MEGF10: variants seen among roughly 807,000 people sequenced by gnomAD.
MEGF10 encodes the protein multiple epidermal growth factor-like domains protein 10.
In MEGF10, 86 loss-of-function variants were observed where a neutral mutation model predicts 147.5. The ratio of observed to expected loss-of-function variants is 0.58; its 90% confidence interval spans 0.49 to 0.70. The LOEUF is 0.70. Among genes scored for constraint, MEGF10 ranks in the 30% least tolerant of loss-of-function variants. The pLI, the probability that MEGF10 is intolerant of heterozygous loss-of-function variation, is 0.00. For synonymous variants in MEGF10, 478 were observed against 525.5 expected (o/e 0.91, Z 1.24); for missense variants, 1,329 against 1,487.3 (o/e 0.89, Z 1.75).
At chr5:127,320,584 A>G (rs1422331284) in intron 1 of MEGF10, among the ~76,000 whole-genome samples, 1 of 152,204 alleles carries the variant, frequency 6.6e-6, no homozygotes, top group Non-Finnish European at 1.5e-5. Flanking sequence ...ATTTGCATAC[A>G]TATGCGATTG....
At chr5:127,408,237 T>G (rs1186400794) in intron 8 of MEGF10, among the ~76,000 whole-genome samples, 1 of 152,238 alleles carries the variant, frequency 6.6e-6, no homozygotes, top group Non-Finnish European at 1.5e-5. Context: ...AAGCTGTGCT[T>G]TTTACCAAGT....
intron 16 of MEGF10, 71 bp downstream of exon 16, chr5:127,435,560 T>G: frequency 7.1e-7 from 1 of 1,418,086 alleles, no homozygotes; most frequent in Non-Finnish European, 9.5e-7. Flanking sequence ...AGGATTGAAG[T>G]ATGAGTGTTT....
chr5:127,241,995 G>A, the MEGF10 span, among the ~76,000 whole-genome samples: 1 of 152,074 alleles, frequency 6.6e-6, no homozygotes, highest in Non-Finnish European at 1.5e-5. Context: ...TATGGGAGAT[G>A]CTTCCACTTA....
At chr5:127,407,658 T>G (rs1208627789) in intron 8 of MEGF10, among the ~76,000 whole-genome samples, 1 of 152,196 alleles carries the variant, frequency 6.6e-6, no homozygotes, top group Non-Finnish European at 1.5e-5. Context: ...ATTTCACTGA[T>G]TTTTGAGAGC....
chr5:127,328,414 C>T (rs1024295884), intron 1 of MEGF10, among the ~76,000 whole-genome samples: 4 of 152,054 alleles, frequency 2.6e-5, no homozygotes, highest in African/African-American at 9.7e-5. Context: ...TTTTTTCTTT[C>T]AAAAATGGTA....
At chr5:127,265,808 C>T in the MEGF10 span, among the ~76,000 whole-genome samples, 2 of 151,958 alleles carry the variant, frequency 1.3e-5, no homozygotes, top group Non-Finnish European at 2.9e-5. Context: ...TCTTTGTAGA[C>T]TCTGGATATT....
At chr5:127,269,048 TAAC>T in the MEGF10 span, among the ~76,000 whole-genome samples, 1 of 152,104 alleles carries the variant, frequency 6.6e-6, no homozygotes, top group African/African-American at 2.4e-5. Context: ...GAAGGAAAAC[TAAC>T]AAACAGAAAG....
intron 6 of MEGF10, 45 bp from the exon 7 acceptor site, chr5:127,398,624 GGTCATGT>G: frequency 6.2e-7 from 1 of 1,610,688 alleles, no homozygotes; most frequent in East Asian, 2.2e-5. Flanking sequence ...TGAACCCGAG[GGTCATGT>G]GTCTGGGAAA....
intron 4 of MEGF10, among the ~76,000 whole-genome samples, chr5:127,342,262 G>A (rs936089777): frequency 2.0e-5 from 3 of 152,110 alleles, no homozygotes; most frequent in African/African-American, 7.2e-5. Context: ...GGCCACTCAG[G>A]CTGGCCATTT....
chr5:127,324,605 C>T (rs1439496056), intron 1 of MEGF10, among the ~76,000 whole-genome samples: 2 of 152,146 alleles, frequency 1.3e-5, no homozygotes, highest in Non-Finnish European at 2.9e-5. Flanking sequence ...GCAGTAACCT[C>T]CACACTCTGT....
chr5:127,291,251 A>G (rs1335591777), intron 1 of MEGF10, among the ~76,000 whole-genome samples, 195 bp downstream of exon 1: 2 of 152,174 alleles, frequency 1.3e-5, no homozygotes, highest in Non-Finnish European at 2.9e-5. Context: ...GTTTTGTTAC[A>G]TGGGATTGTG....
At chr5:127,286,026 A>G (rs1759019373), upstream of MEGF10, among the ~76,000 whole-genome samples, 1 of 152,144 alleles carries the variant, frequency 6.6e-6, no homozygotes, top group Non-Finnish European at 1.5e-5. Context: ...ATGGAACTGG[A>G]GGACATTAAG....
intron 22 of MEGF10, among the ~76,000 whole-genome samples, chr5:127,453,302 C>A (rs1168267883): frequency 6.6e-6 from 1 of 152,204 alleles, no homozygotes. Flanking sequence ...AGCAATCCAC[C>A]CACCTTGGCC....
At chr5:127,275,668 T>G in the MEGF10 span, among the ~76,000 whole-genome samples, 1 of 152,196 alleles carries the variant, frequency 6.6e-6, no homozygotes, top group Admixed American at 6.5e-5. Flanking sequence ...GAAATACACT[T>G]CTCAGGCTTC....
At position 127,402,693 on chromosome 5, in the gene MEGF10, C is replaced by A; in HGVS notation, c.917+11C>A. On this transcript the variant is annotated intron_variant, in intron 8 of 24. Coordinates refer to ENST00000503335, the MANE Select transcript of MEGF10 (RefSeq NM_001256545.2). ...ATACACAGGGGAACGGTAAGGGATG[C>A]CCTTGTATTTCTCTGACTGTTTATA... The A allele has an allele frequency of 6.2e-7, 1 of 1,613,118 alleles. No homozygotes were observed. The highest frequency in any genetic ancestry group is 1.1e-5 in the South Asian group (1 of 90,878).
intron 1 of MEGF10, among the ~76,000 whole-genome samples, chr5:127,293,510 G>A (rs1200364652): frequency 1.3e-5 from 2 of 152,172 alleles, no homozygotes; most frequent in Non-Finnish European, 2.9e-5. Flanking sequence ...TGATTTAGAA[G>A]TAGTAAGTCT....
chr5:127,416,786 G>A (rs762948273), intron 9 of MEGF10, among the ~76,000 whole-genome samples: 5 of 152,174 alleles, frequency 3.3e-5, no homozygotes, highest in African/African-American at 7.2e-5. Flanking sequence ...GGCTACTTAG[G>A]TAGTGGGAGA....
In MEGF10 at chr5:127,396,616, C is replaced by T; in HGVS notation, c.497C>T (p.Ala166Val). The T allele has an allele frequency of 6.2e-7, 1 of 1,613,418 alleles. No individual in the cohort carries two copies. The highest frequency in any genetic ancestry group is 1.1e-5 in the South Asian group (1 of 90,986). Reference sequence around the variant, plus strand: ...GCTCTGTGCAACCCCATCACCGGGGCTTGCCACTGTGCTGCGGGCTTCCGG... The same window carrying T: ...GCTCTGTGCAACCCCATCACCGGGGTTTGCCACTGTGCTGCGGGCTTCCGG... ...NGALCNPITG[A>V]CHCAAGFRGW... The change falls in exon 6 of 25, where the codon GCT becomes GTT. Residue 166 changes from alanine to valine, a missense_variant. Physicochemically the swap from Ala to Val is moderately conservative, Grantham distance 64. Transcript: ENST00000503335.
chr5:127,259,426 A>G, the MEGF10 span, among the ~76,000 whole-genome samples: 1 of 152,120 alleles, frequency 6.6e-6, no homozygotes, highest in African/African-American at 2.4e-5. Flanking sequence ...CTTGAGTTGC[A>G]CTGAAATGTC....
Sources: allele counts gnomAD v4.1 joint callset (sites outside exome capture counted in the v4.1 genomes callset), GRCh38; gene constraint gnomAD v4.1.1; transcripts MANE v1.5; gene names NCBI Gene and HGNC (gene_info 2026-07-23, HGNC 2026-07-21).